KIAA1328: variants seen among roughly 807,000 people sequenced by gnomAD.
KIAA1328 encodes the protein protein hinderin.
A neutral mutation model predicts 68.1 loss-of-function variants in KIAA1328; 52 were observed. That is an observed-to-expected ratio of 0.76 (90% CI 0.61 to 0.96). KIAA1328 has a LOEUF of 0.96. Among genes scored for constraint, KIAA1328 ranks in the 40% least tolerant of loss-of-function variants. The pLI, the probability that KIAA1328 is intolerant of heterozygous loss-of-function variation, is 0.00. For missense variants in KIAA1328, 641 were observed against 677.6 expected (o/e 0.95, Z 0.60); for synonymous variants, 232 against 239.4 (o/e 0.97, Z 0.28).
intron 7 of KIAA1328, among the ~76,000 whole-genome samples, chr18:37,121,210 C>A (rs958162843): frequency 1.1e-4 from 16 of 152,022 alleles, no homozygotes; most frequent in African/African-American, 1.4e-4. Flanking sequence ...GAGAATAAAT[C>A]TGGTGAGCAT....
At chr18:36,833,628 G>A (rs2046573373) in intron 1 of KIAA1328, among the ~76,000 whole-genome samples, 1 of 152,200 alleles carries the variant, frequency 6.6e-6, no homozygotes, top group Non-Finnish European at 1.5e-5. Context: ...GTGACAGAGA[G>A]CAGTTAGGAG....
At chr18:37,026,403 T>A (rs1328318683) in intron 6 of KIAA1328, among the ~76,000 whole-genome samples, 1 of 152,148 alleles carries the variant, frequency 6.6e-6, no homozygotes, top group Non-Finnish European at 1.5e-5. Context: ...TACCAAAGCC[T>A]GGCAGAGACA....
intron 6 of KIAA1328, among the ~76,000 whole-genome samples, chr18:37,016,262 T>C (rs2054149382): frequency 6.6e-6 from 1 of 152,192 alleles, no homozygotes; most frequent in African/African-American, 2.4e-5. Flanking sequence ...ATCATATGGT[T>C]TTTGTTTTTA....
intron 7 of KIAA1328, among the ~76,000 whole-genome samples, chr18:37,157,251 TGA>T (rs1469784937): frequency 2.0e-5 from 3 of 152,084 alleles, no homozygotes; most frequent in African/African-American, 7.2e-5. Flanking sequence ...AGGGACATGG[TGA>T]GAGTTTTTTG....
At chr18:37,104,812 G>C (rs987606731) in intron 7 of KIAA1328, among the ~76,000 whole-genome samples, 2 of 151,962 alleles carry the variant, frequency 1.3e-5, no homozygotes, top group Admixed American at 6.6e-5. Context: ...TCAATAAATT[G>C]GCAAAATTGA....
intron 6 of KIAA1328, among the ~76,000 whole-genome samples, chr18:36,979,617 A>G (rs1221924681): frequency 1.3e-5 from 2 of 152,188 alleles, no homozygotes; most frequent in Non-Finnish European, 2.9e-5. Context: ...TCAAGCAGGA[A>G]GATCCAGCTA....
At chr18:37,106,820 TAA>T (rs1324235142) in intron 7 of KIAA1328, among the ~76,000 whole-genome samples, 15 of 152,342 alleles carry the variant, frequency 9.8e-5, no homozygotes, top group African/African-American at 3.6e-4. Flanking sequence ...CAAAACGAAT[TAA>T]GTGTCACTAA....
chr18:37,089,839 C>T (rs968090965), intron 7 of KIAA1328, among the ~76,000 whole-genome samples: 1 of 152,160 alleles, frequency 6.6e-6, no homozygotes, highest in African/African-American at 2.4e-5. Flanking sequence ...TAAGGGTCAT[C>T]TTTGTGTAAG....
At chr18:36,995,257 T>A (rs1316272048) in intron 6 of KIAA1328, among the ~76,000 whole-genome samples, 1 of 152,158 alleles carries the variant, frequency 6.6e-6, no homozygotes, top group Admixed American at 6.5e-5. Context: ...GGTTTTCAGC[T>A]TCATCCATGT....
At chr18:37,049,259 T>C (rs2055598083) in intron 6 of KIAA1328, among the ~76,000 whole-genome samples, 1 of 152,186 alleles carries the variant, frequency 6.6e-6, no homozygotes, top group Admixed American at 6.5e-5. Context: ...TGAAATGCTC[T>C]TGCGGTGCCT....
At chr18:36,866,039 C>T (rs2047738786) in intron 4 of KIAA1328, among the ~76,000 whole-genome samples, 1 of 152,146 alleles carries the variant, frequency 6.6e-6, no homozygotes, top group African/African-American at 2.4e-5. Context: ...AGTATATGTC[C>T]TCATCCTCCT....
chr18:37,066,979 A>C lies in KIAA1328; in HGVS notation c.666A>C (p.Gln222His). The change falls in exon 7 of 10, where the codon CAA becomes CAC. Residue 222 changes from glutamine to histidine, a missense_variant. Coordinates refer to ENST00000280020, the MANE Select transcript of KIAA1328 (RefSeq NM_020776.3). Reference protein sequence around the residue: ...LSIARPQTYYQTKQRPKSAVQ... With the variant: ...LSIARPQTYYHTKQRPKSAVQ... ...TAGCCAGACCACAGACCTACTATCAAACCAAGCAAAGACCTAAGTCTGCAG... is the reference window on the plus strand; with the variant it reads ...TAGCCAGACCACAGACCTACTATCACACCAAGCAAAGACCTAAGTCTGCAG... 3 of 1,613,608 alleles carry C rather than the reference A, an allele frequency of 1.9e-6. No individual in the cohort carries two copies. Among genetic ancestry groups the C allele is most frequent in the Non-Finnish European group, 1.7e-6 (2 of 1,179,712 alleles).
At chr18:37,216,969 CTTTTTTTTTGT>C (rs1374029245) in intron 9 of KIAA1328, among the ~76,000 whole-genome samples, 44 of 112,334 alleles carry the variant, frequency 3.9e-4, no homozygotes, top group African/African-American at 1.4e-3. Flanking sequence ...GCAACCCCTG[CTTTTTTTTTGT>C]TTTTTTTTTG....
chr18:37,004,809 A>G (rs1598948389), intron 6 of KIAA1328, among the ~76,000 whole-genome samples: 1 of 152,170 alleles, frequency 6.6e-6, no homozygotes, highest in Admixed American at 6.6e-5. Context: ...ATGCACGTTT[A>G]TAACAGCACA....
At chr18:36,843,379 T>C (rs576939103) in intron 3 of KIAA1328, among the ~76,000 whole-genome samples, 1 of 152,336 alleles carries the variant, frequency 6.6e-6, no homozygotes, top group South Asian at 2.1e-4. Context: ...TTGGACTAAC[T>C]TAACTTTGGT....
chr18:36,877,903 G>C (rs1273672956), intron 4 of KIAA1328, among the ~76,000 whole-genome samples: 1 of 151,890 alleles, frequency 6.6e-6, no homozygotes, highest in African/African-American at 2.4e-5. Flanking sequence ...TCCTGACCTT[G>C]CGATCCACCC....
intron 6 of KIAA1328, among the ~76,000 whole-genome samples, chr18:37,007,571 G>T (rs751215800): frequency 6.6e-6 from 1 of 152,126 alleles, no homozygotes; most frequent in African/African-American, 2.4e-5. Flanking sequence ...GGTTTTCCAA[G>T]TCATAACTTC....
chr18:36,952,591 C>T (rs754250076), intron 5 of KIAA1328, among the ~76,000 whole-genome samples: 4 of 152,130 alleles, frequency 2.6e-5, no homozygotes, highest in East Asian at 1.9e-4. Context: ...ACCAGAGTTA[C>T]GATTTGAGCC....
chr18:36,899,093 T>C (rs1003867213), intron 5 of KIAA1328, among the ~76,000 whole-genome samples: 1 of 151,946 alleles, frequency 6.6e-6, no homozygotes, highest in African/African-American at 2.4e-5. Context: ...TATTTCATCT[T>C]TAAGTTTGAT....
Sources: gnomAD v4.1 joint callset for allele counts (sites outside exome capture counted in the v4.1 genomes callset) on GRCh38, gnomAD v4.1.1 for gene constraint, MANE v1.5 for transcripts, NCBI Gene and HGNC (gene_info 2026-07-23, HGNC 2026-07-21) for gene names.